The following GALNT9 variants were observed in gnomAD, a reference collection of about 807,000 sequenced individuals.
The protein encoded by GALNT9 is polypeptide N-acetylgalactosaminyltransferase 9, also known as GalNAc transferase 9.
In GALNT9, 47 loss-of-function variants were observed where a neutral mutation model predicts 63.1. That is an observed-to-expected ratio of 0.75 (90% confidence interval 0.59 to 0.95). The LOEUF is 0.95. Among genes scored for constraint, GALNT9 ranks in the 40% least tolerant of loss-of-function variants. The probability of loss-of-function intolerance (pLI) is 0.00; values close to 1 mark genes in which losing one functional copy is unlikely to be tolerated. For synonymous variants in GALNT9, 396 were observed against 365.7 expected, an observed-to-expected ratio of 1.08 and a Z score of -0.94; for missense variants, 829 against 874.8, an observed-to-expected ratio of 0.95 and a Z score of 0.66.
At chr12:132,202,614 G>GTA (rs1440611491) in intron 7 of GALNT9, among the ~76,000 whole-genome samples, 4 of 151,034 alleles carry the variant, frequency 2.6e-5, no homozygotes, top group African/African-American at 9.9e-5. Context: ...AGATGTAAAT[G>GTA]TATGCGTGTG....
chr12:132,225,715 CACCCCATACACACAACACTG>C (rs1877645941), intron 6 of GALNT9, among the ~76,000 whole-genome samples: 10 of 146,094 alleles, frequency 6.8e-5, no homozygotes, highest in Admixed American at 2.0e-4. Context: ...TGTACGTACA[CACCCCATACACACAACACTG>C]TACATACACA....
chr12:132,230,580 G>A (rs1182154215), intron 6 of GALNT9, among the ~76,000 whole-genome samples: 2 of 148,876 alleles, frequency 1.3e-5, no homozygotes, highest in African/African-American at 5.2e-5. Context: ...CCACTGCCAA[G>A]GCCGCGCCAC....
rs1231587175 is a variant in GALNT9, at chr12:132,286,107, G to A, written c.419+143C>T. On this transcript the variant is annotated intron_variant, in intron 2 of 10. Coordinates refer to ENST00000328957, the MANE Select transcript of GALNT9 (RefSeq NM_001122636.2). The surrounding 1 kb of genome is among the most constrained non-coding windows in gnomAD (Gnocchi z 7.4). ...GGGGGCGGTCACTTCCCCGGCGGGC[G>A]TGGGGGGCGGTCACTTCCCTGGCGG... 1.8e-6 allele frequency: 2 copies of A among 1,114,968 alleles called. No individual in the cohort carries two copies. Among genetic ancestry groups the A allele is most frequent in the Non-Finnish European group, 2.4e-6 (2 of 818,458 alleles). 69.1% of individuals were successfully genotyped at this position (1,114,968 alleles called of 1,614,324 possible). A position where few individuals can be genotyped will look rare whatever the true frequency, so the allele number is the denominator to read the frequency against.
chr12:132,321,788 C>T (rs1555246160), intron 1 of GALNT9, among the ~76,000 whole-genome samples: 1 of 151,940 alleles, frequency 6.6e-6, no homozygotes, highest in African/African-American at 2.4e-5. Context: ...CCTGTCCCCT[C>T]ACACACCTGT....
chr12:132,301,646 G>A (rs1160979276), intron 1 of GALNT9, among the ~76,000 whole-genome samples: 1 of 152,270 alleles, frequency 6.6e-6, no homozygotes, highest in African/African-American at 2.4e-5. Context: ...ACACATTCAG[G>A]TTGAACCAGC....
At chr12:132,258,675 G>A (rs1879239334) in intron 4 of GALNT9, among the ~76,000 whole-genome samples, 1 of 152,216 alleles carries the variant, frequency 6.6e-6, no homozygotes, top group Non-Finnish European at 1.5e-5. Context: ...AGAGCGATGG[G>A]GCAATGGGGG....
rs990457854 is a variant in GALNT9, at chr12:132,238,810, C to T, written c.1077+9100G>A. ...GACGTGCTACCATTTACCTAACACA[C>T]GTCTTTAAATCCACCCAAAGGATAA... is the stretch of plus-strand genomic sequence containing the variant. On this transcript the variant is annotated intron_variant, in intron 6 of 10. Transcript: ENST00000328957. This position sits in a 1 kb window ranked among gnomAD's most constrained non-coding sequence, Gnocchi z 6.5. 2.0e-5 allele frequency among the ~76,000 whole-genome samples: 3 copies of T among 152,210 alleles called. No individual in the cohort carries two copies. Among genetic ancestry groups the T allele is most frequent in the African/African-American group, 7.2e-5 (3 of 41,452 alleles).
intron 1 of GALNT9, among the ~76,000 whole-genome samples, chr12:132,304,423 G>A (rs868971491): frequency 5.0e-3 from 309 of 61,716 alleles, no homozygotes; most frequent in East Asian, 0.013. Context: ...GCCCTCACCC[G>A]GGCACAGCCT....
intron 1 of GALNT9, among the ~76,000 whole-genome samples, chr12:132,326,781 G>T (rs1184408043): frequency 6.6e-6 from 1 of 152,242 alleles, no homozygotes; most frequent in Middle Eastern, 3.2e-3. Flanking sequence ...AACAGGCTGT[G>T]ATCTAAGAGC....
chr12:132,270,710 ACACGGC>A (rs1213624073), intron 2 of GALNT9, among the ~76,000 whole-genome samples: 4 of 152,140 alleles, frequency 2.6e-5, no homozygotes, highest in African/African-American at 9.7e-5. Context: ...ACAGCCACGG[ACACGGC>A]CACGGCCACA....
At chr12:132,203,173 C>T (rs1186433416) in intron 7 of GALNT9, among the ~76,000 whole-genome samples, 1 of 152,204 alleles carries the variant, frequency 6.6e-6, no homozygotes, top group African/African-American at 2.4e-5. Context: ...TAAGTGGGGC[C>T]CTGGCTGAGG....
rs563484485 is a variant in GALNT9 at position 132,220,413 on chromosome 12, G to A, written c.1078-16723C>T. ...AGAATTTCCAAAGGCATGAAGGAAT[G>A]AGAGAAAAGCATTAATCAAAAACAT... On this transcript the variant is annotated intron_variant, in intron 6 of 10. Coordinates refer to ENST00000328957, the MANE Select transcript of GALNT9 (RefSeq NM_001122636.2). Among the ~76,000 whole-genome samples, 4 of 152,312 alleles carry A rather than the reference G, an allele frequency of 2.6e-5. No homozygotes were observed. The South Asian group carries it at 8.3e-4, about 32-fold the overall frequency.
chr12:132,200,936 A>T, intron 8 of GALNT9, 188 bp downstream of exon 8: 1 of 592,052 alleles, frequency 1.7e-6, no homozygotes, highest in South Asian at 2.1e-5. Context: ...TGCCTGCATC[A>T]CCGTGAATGC....
rs529146238 is a variant in GALNT9, at chr12:132,302,915, T to C, written c.239-16485A>G. ...TTGAGCTGAGAGGGAGAGAGGAGGG[T>C]GGGCACAGTGGTCAGGTTTTCTATG... On this transcript the variant is annotated intron_variant, in intron 1 of 10. Transcript: ENST00000328957. Among the ~76,000 whole-genome samples the C allele has an allele frequency of 2.1e-4, 31 of 150,924 alleles. 1 individual carries two copies. Among genetic ancestry groups the C allele is most frequent in the Admixed American group, 5.9e-4 (9 of 15,180 alleles).
Position 132,245,144 on chromosome 12 carries a change from G to T in GALNT9, c.1077+2766C>A, listed in dbSNP as rs1878660983. Among the ~76,000 whole-genome samples, 1 of 151,982 alleles carries T rather than the reference G, an allele frequency of 6.6e-6. No individual in the cohort carries two copies. Among genetic ancestry groups the T allele is most frequent in the African/African-American group, 2.4e-5 (1 of 41,362 alleles). ...GCCCCGCGGAGGAGTCAGGCCATCA[G>T]AAAGGCCCCTATGTCAGCCAGGCGT... is the stretch of plus-strand genomic sequence containing the variant. On this transcript the variant is annotated intron_variant, in intron 6 of 10. Coordinates refer to ENST00000328957, the MANE Select transcript of GALNT9 (RefSeq NM_001122636.2). The surrounding 1 kb of genome is among the most constrained non-coding windows in gnomAD (Gnocchi z 6.3).
Position 132,196,998 on chromosome 12 carries a change from A to T in GALNT9, c.*109T>A. On this transcript the variant is annotated 3_prime_UTR_variant, in exon 11 of 11. Coordinates refer to ENST00000328957, the MANE Select transcript of GALNT9 (RefSeq NM_001122636.2). ...CCTCAGCCTCTGCTGTCCTGGCCGC[A>T]CATAGAGCCCTGTCCTGCTGTGTCT... is the stretch of plus-strand genomic sequence containing the variant. 1 of 1,538,390 alleles carries T rather than the reference A, an allele frequency of 6.5e-7. No homozygotes were observed. Among genetic ancestry groups the T allele is most frequent in the East Asian group, 2.3e-5 (1 of 44,036 alleles).
chr12:132,320,173 G>T (rs1228266437), intron 1 of GALNT9, among the ~76,000 whole-genome samples: 1 of 152,204 alleles, frequency 6.6e-6, no homozygotes, highest in East Asian at 1.9e-4. Flanking sequence ...CCAAGCCCAG[G>T]AGCCTCCCCA....
intron 8 of GALNT9, chr12:132,200,902 G>A (rs1313645362): frequency 3.6e-6 from 2 of 559,284 alleles, no homozygotes; most frequent in Admixed American, 6.7e-5. Flanking sequence ...ATGTGAACCT[G>A]CACCTTGTGT....
chr12:132,294,151 G>A (rs1401190251), intron 1 of GALNT9, among the ~76,000 whole-genome samples: 1 of 152,196 alleles, frequency 6.6e-6, no homozygotes, highest in African/African-American at 2.4e-5. Context: ...TGGTGGGACT[G>A]GGGGGCACAG....
Sources: allele counts gnomAD v4.1 joint callset (sites outside exome capture counted in the v4.1 genomes callset), GRCh38; gene constraint gnomAD v4.1.1; non-coding constraint Gnocchi (gnomAD v3.1); transcripts MANE v1.5; gene names NCBI Gene and HGNC (gene_info 2026-07-23, HGNC 2026-07-21).